ANXA5: variants seen among roughly 807,000 people sequenced by gnomAD.
ANXA5 encodes the protein CBP-I.
Under a neutral mutation model 48.1 loss-of-function variants are expected in ANXA5, and 40 were observed. The ratio of observed to expected loss-of-function variants is 0.83; its 90% CI spans 0.65 to 1.08. The LOEUF (loss-of-function observed/expected upper bound fraction) is 1.08. Among genes scored for constraint, ANXA5 ranks in the 50% least tolerant of loss-of-function variants. The pLI is 0.00. For synonymous variants in ANXA5, 113 were observed against 129.1 expected, an observed-to-expected ratio of 0.88 and a Z score of 0.85; for missense variants, 357 against 376.8, an observed-to-expected ratio of 0.95 and a Z score of 0.44.
chr4:121,672,683 T>G, intron 8 of ANXA5, 57 bp from the exon 9 acceptor site: 3 of 1,263,058 alleles, frequency 2.4e-6, no homozygotes, highest in Non-Finnish European at 3.5e-6. Context: ...TTCCAGGTTC[T>G]TAAACACACT....
chr4:121,677,996 A>C, intron 7 of ANXA5, 46 bp from the exon 8 acceptor site: 17 of 1,492,266 alleles, frequency 1.1e-5, no homozygotes, highest in Non-Finnish European at 1.5e-5. Flanking sequence ...GAGCATTCTC[A>C]TTCAAAAGGA....
intron 7 of ANXA5, 30 bp from the exon 8 acceptor site, chr4:121,677,980 A>C (rs1318540259): frequency 1.3e-6 from 2 of 1,576,008 alleles, no homozygotes; most frequent in Non-Finnish European, 1.7e-6. Flanking sequence ...ACATTACTGA[A>C]CTATAGAGCA....
At chr4:121,693,632 G>A (rs1395710017) in intron 2 of ANXA5, among the ~76,000 whole-genome samples, 1 of 152,232 alleles carries the variant, frequency 6.6e-6, no homozygotes, top group African/African-American at 2.4e-5. Context: ...AGGGTTTGCT[G>A]AATGCCAATG....
At chr4:121,689,899 T>C (rs993836696) in intron 2 of ANXA5, among the ~76,000 whole-genome samples, 1 of 152,088 alleles carries the variant, frequency 6.6e-6, no homozygotes, top group African/African-American at 2.4e-5. Context: ...AGGAACTACT[T>C]AGGGTGATTC....
intron 8 of ANXA5, among the ~76,000 whole-genome samples, 197 bp from the exon 9 acceptor site, chr4:121,672,823 T>A (rs1464302357): frequency 2.0e-5 from 3 of 152,218 alleles, no homozygotes; most frequent in Admixed American, 6.5e-5. Flanking sequence ...GCCACTGAAC[T>A]GTGCCACAGA....
intron 6 of ANXA5, among the ~76,000 whole-genome samples, chr4:121,679,831 C>A (rs1285535340): frequency 6.6e-6 from 1 of 152,074 alleles, no homozygotes; most frequent in South Asian, 2.1e-4. Context: ...GAAATGATTA[C>A]CACAATCAAG....
At chr4:121,678,570 A>G (rs979485608) in intron 6 of ANXA5, 76 bp from the exon 7 acceptor site, 7 of 1,162,242 alleles carry the variant, frequency 6.0e-6, no homozygotes, top group African/African-American at 4.6e-5. Flanking sequence ...TAATCAAATG[A>G]AAGCGATGTA....
intron 2 of ANXA5, among the ~76,000 whole-genome samples, chr4:121,694,045 G>C (rs1353018515): frequency 7.7e-6 from 1 of 130,084 alleles, no homozygotes; most frequent in Non-Finnish European, 1.6e-5. Context: ...ATGTTCATGA[G>C]AACACTTGGA....
intron 9 of ANXA5, among the ~76,000 whole-genome samples, chr4:121,671,977 T>C (rs1306507273): frequency 6.6e-6 from 1 of 152,184 alleles, no homozygotes; most frequent in Non-Finnish European, 1.5e-5. Flanking sequence ...GTGAAATGGT[T>C]AAGTTTGGAG....
intron 2 of ANXA5, among the ~76,000 whole-genome samples, chr4:121,689,026 T>C (rs1168876219): frequency 6.6e-6 from 1 of 152,176 alleles, no homozygotes; most frequent in Non-Finnish European, 1.5e-5. Flanking sequence ...ATAGATTCCC[T>C]GCCATTCATT....
intron 8 of ANXA5, 106 bp downstream of exon 8, chr4:121,677,788 A>T: frequency 2.0e-6 from 2 of 1,011,258 alleles, no homozygotes; most frequent in Non-Finnish European, 1.5e-6. Context: ...CATTAACAAG[A>T]TTATCACTAG....
rs745908609 is a variant in ANXA5, at chr4:121,669,596, T to G, written c.903+6A>C. 2 of 1,613,516 alleles carry G rather than the reference T, an allele frequency of 1.2e-6. No individual in the cohort carries two copies. Among genetic ancestry groups the G allele is most frequent in the East Asian group, 2.2e-5 (1 of 44,850 alleles). The stretch of plus-strand genomic sequence containing the variant: ...CCAAACGTAATTTAAAGAAAGGTTC[T>G]ACTACCTTAATCATGGAATAAAGAG... On this transcript the variant is annotated splice_donor_region_variant and intron_variant, in intron 12 of 12. Transcript: ENST00000296511.
intron 8 of ANXA5, among the ~76,000 whole-genome samples, chr4:121,673,096 G>A (rs1724638976): frequency 6.6e-6 from 1 of 152,166 alleles, no homozygotes; most frequent in African/African-American, 2.4e-5. Flanking sequence ...CTTTACAACT[G>A]AGATTTAACC....
At chr4:121,690,359 A>C (rs987447151) in intron 2 of ANXA5, among the ~76,000 whole-genome samples, 3 of 152,174 alleles carry the variant, frequency 2.0e-5, no homozygotes, top group African/African-American at 7.2e-5. Flanking sequence ...AAGCTGAAGG[A>C]GGCAAATGTT....
rs759289771 is a variant in ANXA5 at position 121,672,500 on chromosome 4, T to C, written c.625+33A>G. The C allele has an allele frequency of 1.5e-5, 22 of 1,500,876 alleles. No homozygotes were observed. In the East Asian group the frequency reaches 5.0e-4, roughly 34 times the overall value. The allele number at this position is 1,500,876 out of a possible 1,614,324, so 93.0% of individuals were successfully genotyped here. Reference sequence around the variant, plus strand: ...CTCATGCACTTTCCAAATTTACCAATGTATCTGCCCCATACAGATTTTTTT... The same window carrying C: ...CTCATGCACTTTCCAAATTTACCAACGTATCTGCCCCATACAGATTTTTTT... On this transcript the variant is annotated intron_variant, in intron 9 of 12. Transcript: ENST00000296511.
At chr4:121,673,901 G>A (rs966386789) in intron 8 of ANXA5, among the ~76,000 whole-genome samples, 3 of 151,908 alleles carry the variant, frequency 2.0e-5, no homozygotes, top group African/African-American at 7.3e-5. Context: ...GAAGTTGCAG[G>A]CTAGGCATAG....
intron 6 of ANXA5, among the ~76,000 whole-genome samples, chr4:121,680,900 T>C (rs546167734): frequency 1.3e-5 from 2 of 152,314 alleles, no homozygotes; most frequent in African/African-American, 4.8e-5. Flanking sequence ...TTTGACTTGC[T>C]GGGTTAACAA....
chr4:121,678,219 G>A, intron 7 of ANXA5, 196 bp downstream of exon 7: 2 of 611,782 alleles, frequency 3.3e-6, no homozygotes, highest in Non-Finnish European at 5.8e-6. Flanking sequence ...ACATGTATGA[G>A]TTAGCTGTTA....
rs1290835046 is a variant in ANXA5, at chr4:121,668,523, T to G, written c.908A>C (p.Asp303Ala). Residue 303 changes from aspartate (D) to alanine (A), a missense_variant, in exon 13 of 13, where the codon GAT becomes GCT. Physicochemically the swap from Asp to Ala is moderately radical, Grantham distance 126. Coordinates refer to ENST00000296511, the MANE Select transcript of ANXA5 (RefSeq NM_001154.4). ...AGCTTTCTTATAGTCCCCAGATGTATCTCCCTGAAACCAAATGTATTCCAT... is the reference window on the plus strand; with the variant it reads ...AGCTTTCTTATAGTCCCCAGATGTAGCTCCCTGAAACCAAATGTATTCCAT... ...ATSLYSMIKG[D>A]TSGDYKKALL... 2 of 1,613,058 alleles carry G rather than the reference T, an allele frequency of 1.2e-6. No individual in the cohort carries two copies. Among genetic ancestry groups the G allele is most frequent in the East Asian group, 2.2e-5 (1 of 44,856 alleles).
Sources: allele counts gnomAD v4.1 joint callset (sites outside exome capture counted in the v4.1 genomes callset), GRCh38; gene constraint gnomAD v4.1.1; transcripts MANE v1.5; gene names NCBI Gene and HGNC (gene_info 2026-07-23, HGNC 2026-07-21).